The following RTN4RL1 variants were observed in gnomAD, a reference collection of about 807,000 sequenced individuals.
RTN4RL1 encodes the protein reticulon 4 receptor like 1.
In RTN4RL1, 7 loss-of-function variants were observed where a neutral mutation model predicts 25.6. The ratio of observed to expected loss-of-function variants is 0.27; its 90% CI spans 0.16 to 0.51. The LOEUF (loss-of-function observed/expected upper bound fraction) is 0.51. RTN4RL1 is among the 20% of genes least tolerant of loss of function. The pLI, the probability that RTN4RL1 is intolerant of heterozygous loss-of-function variation, is 0.97. For synonymous variants in RTN4RL1, 297 were observed against 288.2 expected, an observed-to-expected ratio of 1.03 and a Z score of -0.31; for missense variants, 500 against 615.6, an observed-to-expected ratio of 0.81 and a Z score of 1.99.
chr17:1,946,383 G>C (rs1281175365), intron 1 of RTN4RL1, among the ~76,000 whole-genome samples: 2 of 152,258 alleles, frequency 1.3e-5, no homozygotes, highest in Non-Finnish European at 2.9e-5. Flanking sequence ...CAGGAGGCCG[G>C]CCTGGGCCCA....
chr17:1,974,553 C>A (rs1417905716), intron 1 of RTN4RL1, among the ~76,000 whole-genome samples: 1 of 152,088 alleles, frequency 6.6e-6, no homozygotes, highest in Non-Finnish European at 1.5e-5. Context: ...CCTAGGGCAT[C>A]CACAGGGATA....
intron 1 of RTN4RL1, among the ~76,000 whole-genome samples, chr17:2,016,330 A>C (rs971710905): frequency 3.9e-5 from 6 of 152,162 alleles, no homozygotes; most frequent in Non-Finnish European, 8.8e-5. Flanking sequence ...GCAGTGAGCC[A>C]AGATCACACC....
At chr17:2,004,851 A>T (rs2066982581) in intron 1 of RTN4RL1, among the ~76,000 whole-genome samples, 1 of 152,198 alleles carries the variant, frequency 6.6e-6, no homozygotes, top group Non-Finnish European at 1.5e-5. Flanking sequence ...GCAAAACTCC[A>T]AAGGGCAGTG....
At chr17:1,964,556 C>T (rs1188965227) in intron 1 of RTN4RL1, among the ~76,000 whole-genome samples, 1 of 151,894 alleles carries the variant, frequency 6.6e-6, no homozygotes, top group Non-Finnish European at 1.5e-5. Context: ...CATGGTGAAA[C>T]CCCGTCTCTA....
At chr17:2,006,344 G>C (rs1482553019) in intron 1 of RTN4RL1, among the ~76,000 whole-genome samples, 3 of 151,856 alleles carry the variant, frequency 2.0e-5, no homozygotes, top group African/African-American at 7.3e-5. Flanking sequence ...ATTTTTAGTA[G>C]AGACTGGGTT....
chr17:2,019,123 TGG>T (rs370630204), intron 1 of RTN4RL1: 15 of 151,490 alleles, frequency 9.9e-5, no homozygotes, highest in African/African-American at 3.6e-4. Context: ...CTCCAGGCCT[TGG>T]GGGGGGCCCT....
chr17:2,013,089 C>T (rs146849957), intron 1 of RTN4RL1, among the ~76,000 whole-genome samples: 38 of 152,306 alleles, frequency 2.5e-4, no homozygotes, highest in Admixed American at 1.3e-3. Context: ...CCACTGCGCC[C>T]GGCCTGCTAT....
intron 1 of RTN4RL1, among the ~76,000 whole-genome samples, chr17:2,022,184 C>T (rs537388475): frequency 4.6e-5 from 7 of 152,094 alleles, no homozygotes; most frequent in Non-Finnish European, 7.4e-5. Context: ...AGCATGGTGG[C>T]GTGCACCTGT....
intron 1 of RTN4RL1, among the ~76,000 whole-genome samples, chr17:1,961,891 T>C (rs1044327343): frequency 1.4e-5 from 2 of 143,250 alleles, no homozygotes; most frequent in African/African-American, 5.3e-5. Flanking sequence ...GAGGTTGCAG[T>C]GAGCCAAGAT....
intron 1 of RTN4RL1, among the ~76,000 whole-genome samples, chr17:1,959,210 T>C (rs1417353299): frequency 1.3e-5 from 2 of 152,258 alleles, no homozygotes; most frequent in Admixed American, 6.5e-5. Flanking sequence ...CAGAAACTAA[T>C]CATTTCATGC....
intron 1 of RTN4RL1, among the ~76,000 whole-genome samples, chr17:1,965,040 G>C (rs1243281128): frequency 2.0e-5 from 3 of 151,202 alleles, no homozygotes; most frequent in Admixed American, 6.6e-5. Context: ...GCCCGCCTCA[G>C]CCTCCCAAAG....
intron 1 of RTN4RL1, among the ~76,000 whole-genome samples, chr17:2,023,372 G>A (rs754978093): frequency 3.3e-5 from 5 of 152,198 alleles, no homozygotes; most frequent in African/African-American, 4.8e-5. Flanking sequence ...TCTGCGAAGC[G>A]GTTTCTCCAA....
chr17:1,939,795 G>A (rs372870636), intron 1 of RTN4RL1, among the ~76,000 whole-genome samples: 1 of 152,166 alleles, frequency 6.6e-6, no homozygotes, highest in Non-Finnish European at 1.5e-5. Flanking sequence ...GGCCAGGCAG[G>A]CGCGCCGAGG....
At position 1,966,212 on chromosome 17, in the gene RTN4RL1, G is replaced by A. The variant is rs143012102; in HGVS notation, c.14-28404C>T. Among the ~76,000 whole-genome samples the A allele has an allele frequency of 2.0e-3, 309 of 152,274 alleles. 1 individual carries two copies. The highest frequency in any genetic ancestry group is 0.019 in the East Asian group (98 of 5,162). On this transcript the variant is annotated intron_variant, in intron 1 of 1. Coordinates refer to ENST00000331238, the MANE Select transcript of RTN4RL1 (RefSeq NM_178568.4). ...GTACAGTGACATGTGTCCAAGCCGCGTACGATTCCCAGTGTGACTGAGAGC... is the reference window on the plus strand; with the variant it reads ...GTACAGTGACATGTGTCCAAGCCGCATACGATTCCCAGTGTGACTGAGAGC...
At chr17:2,000,979 T>C (rs1477470239) in intron 1 of RTN4RL1, among the ~76,000 whole-genome samples, 2 of 152,152 alleles carry the variant, frequency 1.3e-5, no homozygotes, top group Admixed American at 1.3e-4. Context: ...GGTCATGGAA[T>C]AGGAGACGTG....
chr17:1,972,237 G>T (rs1377915626), intron 1 of RTN4RL1, among the ~76,000 whole-genome samples: 3 of 151,858 alleles, frequency 2.0e-5, no homozygotes, highest in Non-Finnish European at 2.9e-5. Flanking sequence ...AACCCAGGAG[G>T]TGAAGGCTGC....
intron 1 of RTN4RL1, among the ~76,000 whole-genome samples, chr17:2,006,244 G>C (rs557165524): frequency 6.6e-6 from 1 of 150,448 alleles, no homozygotes; most frequent in Non-Finnish European, 1.5e-5. Context: ...TGTAACCTCC[G>C]CCTCCCAGGT....
In RTN4RL1 at chr17:2,006,644, A is replaced by G. The variant is rs2066998089; in HGVS notation, c.13+18209T>C. ...AATTTGTTTTGTTTTGTTTTGAGAC[A>G]GTCTCTCGCTTTGTTGCCCAGGCTG... On this transcript the variant is annotated intron_variant, in intron 1 of 1. Transcript: ENST00000331238. Among the ~76,000 whole-genome samples the G allele has an allele frequency of 2.8e-5, 4 of 142,928 alleles. No individual in the cohort carries two copies. The South Asian group carries it at 9.4e-4, about 34-fold the overall frequency. The allele number at this position is 142,928 out of a possible 152,430, so 93.8% of individuals were successfully genotyped here. A position where few individuals can be genotyped will look rare whatever the true frequency, so the allele number is the denominator to read the frequency against.
chr17:1,948,493 C>T (rs1319808134), intron 1 of RTN4RL1, among the ~76,000 whole-genome samples: 1 of 152,246 alleles, frequency 6.6e-6, no homozygotes, highest in Non-Finnish European at 1.5e-5. Context: ...GTGGAGCCAA[C>T]TGCCCCTCCC....
Sources: gnomAD v4.1 joint callset for allele counts (sites outside exome capture counted in the v4.1 genomes callset) on GRCh38, gnomAD v4.1.1 for gene constraint, MANE v1.5 for transcripts, NCBI Gene and HGNC (gene_info 2026-07-23, HGNC 2026-07-21) for gene names.